Variants in PDE4B observed in about 807,000 individuals in gnomAD.
PDE4B encodes the protein 3',5'-cyclic-AMP phosphodiesterase 4B.
A neutral mutation model predicts 82.2 loss-of-function variants in PDE4B; 20 were observed. That is an observed-to-expected ratio of 0.24 (90% CI 0.17 to 0.35). PDE4B has a LOEUF of 0.35. Ranked by LOEUF, PDE4B falls within the 10% of genes least tolerant of loss-of-function variation. PDE4B has a pLI of 1.00. For synonymous variants in PDE4B, 320 were observed against 318.9 expected, an observed-to-expected ratio of 1.00 and a Z score of -0.04; for missense variants, 655 against 907.2, an observed-to-expected ratio of 0.72 and a Z score of 3.57.
intron 1 of PDE4B, among the ~76,000 whole-genome samples, chr1:65,893,906 A>G (rs1169277829): frequency 6.6e-6 from 1 of 152,110 alleles, no homozygotes; most frequent in Non-Finnish European, 1.5e-5. Context: ...GGAAGACCAA[A>G]TATCGTATGT....
chr1:66,227,867 AC>A (rs1223283112), intron 3 of PDE4B, among the ~76,000 whole-genome samples: 1 of 152,218 alleles, frequency 6.6e-6, no homozygotes, highest in Non-Finnish European at 1.5e-5. Context: ...TCTTCTGCTG[AC>A]TTCCTCATCT....
At chr1:66,177,004 A>C (rs1469453542) in intron 3 of PDE4B, among the ~76,000 whole-genome samples, 1 of 152,194 alleles carries the variant, frequency 6.6e-6, no homozygotes, top group Non-Finnish European at 1.5e-5. Context: ...ATAAGAAGAC[A>C]ATCTGAGAAA....
intron 3 of PDE4B, among the ~76,000 whole-genome samples, chr1:66,231,842 G>A (rs143695537): frequency 1.4e-4 from 22 of 152,296 alleles, no homozygotes; most frequent in African/African-American, 4.6e-4. Context: ...AAAAATCAAA[G>A]CCTATCACGG....
chr1:65,847,585 G>A (rs1311699450), intron 1 of PDE4B, among the ~76,000 whole-genome samples: 1 of 152,174 alleles, frequency 6.6e-6, no homozygotes, highest in Non-Finnish European at 1.5e-5. Flanking sequence ...TATCTCTAAA[G>A]CGTGGTGACC....
intron 1 of PDE4B, among the ~76,000 whole-genome samples, chr1:65,857,176 T>G (rs1193612751): frequency 1.3e-5 from 2 of 152,230 alleles, no homozygotes; most frequent in African/African-American, 4.8e-5. Flanking sequence ...TTTAAAAATG[T>G]AAGTCATATA....
intron 3 of PDE4B, among the ~76,000 whole-genome samples, chr1:66,044,403 G>A (rs1164140388): frequency 6.6e-6 from 1 of 151,632 alleles, no homozygotes; most frequent in African/African-American, 2.4e-5. Context: ...AATTTGTGTG[G>A]CCGAATGAAA....
intron 7 of PDE4B, among the ~76,000 whole-genome samples, chr1:66,296,484 G>T (rs1468923770): frequency 6.6e-6 from 1 of 152,292 alleles, no homozygotes; most frequent in East Asian, 1.9e-4. Context: ...TCAGACTGAG[G>T]AGCTGCACAG....
chr1:66,346,254 G>A (rs1235368057), intron 8 of PDE4B, among the ~76,000 whole-genome samples: 1 of 152,184 alleles, frequency 6.6e-6, no homozygotes, highest in East Asian at 1.9e-4. Context: ...TTACCACATT[G>A]ATCTTAACTG....
intron 1 of PDE4B, among the ~76,000 whole-genome samples, chr1:65,899,549 T>C (rs1346667123): frequency 1.3e-5 from 2 of 150,674 alleles, no homozygotes; most frequent in African/African-American, 4.9e-5. Context: ...CAATTCGCAA[T>C]TGCAAAAACG....
chr1:65,924,702 G>A (rs1408525796), intron 3 of PDE4B, among the ~76,000 whole-genome samples: 1 of 152,188 alleles, frequency 6.6e-6, no homozygotes, highest in Non-Finnish European at 1.5e-5. Context: ...TGGGTGGAAA[G>A]GTGGGCAGAA....
chr1:65,962,016 G>T (rs1300879619), intron 3 of PDE4B, among the ~76,000 whole-genome samples: 1 of 152,098 alleles, frequency 6.6e-6, no homozygotes, highest in Non-Finnish European at 1.5e-5. Context: ...TGAAAATATT[G>T]TTAGTCGAAA....
intron 3 of PDE4B, among the ~76,000 whole-genome samples, chr1:66,080,250 G>A (rs1338109840): frequency 6.6e-6 from 1 of 152,130 alleles, no homozygotes; most frequent in Non-Finnish European, 1.5e-5. Context: ...AAAAAATTGT[G>A]TCAAAGTGTT....
chr1:66,319,655 C>T (rs981232279), intron 7 of PDE4B, among the ~76,000 whole-genome samples: 1 of 152,090 alleles, frequency 6.6e-6, no homozygotes, highest in African/African-American at 2.4e-5. Flanking sequence ...TGAGGTGAAG[C>T]CTGTAGTGAC....
chr1:66,193,872 A>G (rs1201838510), intron 3 of PDE4B, among the ~76,000 whole-genome samples: 1 of 152,118 alleles, frequency 6.6e-6, no homozygotes, highest in Admixed American at 6.6e-5. Context: ...TGAGCTGGAA[A>G]GAAACTTGGG....
chr1:66,080,671 G>A lies in PDE4B; in HGVS notation c.281+161836G>A, dbSNP rs537341400. Among the ~76,000 whole-genome samples, 32 of 152,214 alleles carry A rather than the reference G, an allele frequency of 2.1e-4. No individual in the cohort carries two copies. In the East Asian group the frequency reaches 6.2e-3, roughly 29 times the overall value. ...CATCAAGGTGTCACCATGTGTTACA[G>A]GTACACTCTGGCCTTCTTATCGCTT... On this transcript the variant is annotated intron_variant, in intron 3 of 16. Coordinates refer to ENST00000341517, the MANE Select transcript of PDE4B (RefSeq NM_002600.4).
At chr1:66,353,234 T>A (rs577235411) in intron 8 of PDE4B, among the ~76,000 whole-genome samples, 1 of 152,216 alleles carries the variant, frequency 6.6e-6, no homozygotes, top group South Asian at 2.1e-4. Flanking sequence ...CAGAGATGCC[T>A]GGTTACAAAC....
chr1:66,044,418 A>G (rs1654569390), intron 3 of PDE4B, among the ~76,000 whole-genome samples: 1 of 151,742 alleles, frequency 6.6e-6, no homozygotes, highest in Non-Finnish European at 1.5e-5. Context: ...ATGAAAAGAC[A>G]TATGTTTTAG....
chr1:66,293,397 T>A (rs1369183725), intron 7 of PDE4B, among the ~76,000 whole-genome samples: 1 of 152,190 alleles, frequency 6.6e-6, no homozygotes, highest in African/African-American at 2.4e-5. Context: ...CATTCACTTT[T>A]TTTGGCTCAT....
chr1:65,905,380 T>G (rs1369975867), intron 1 of PDE4B, among the ~76,000 whole-genome samples: 1 of 151,990 alleles, frequency 6.6e-6, no homozygotes, highest in Non-Finnish European at 1.5e-5. Context: ...ACACTCTACA[T>G]CCAGTCGAAC....
Sources: gnomAD v4.1 joint callset for allele counts (sites outside exome capture counted in the v4.1 genomes callset) on GRCh38, gnomAD v4.1.1 for gene constraint, MANE v1.5 for transcripts, NCBI Gene and HGNC (gene_info 2026-07-23, HGNC 2026-07-21) for gene names.